The following TMIGD3 variants were observed in gnomAD, a reference collection of about 807,000 sequenced individuals.
The protein encoded by TMIGD3 is transmembrane and immunoglobulin domain containing 3, also known as AD026 protein (AD026).
TMIGD3 carries 21 observed loss-of-function variants against 28.1 expected under a neutral mutation model. The observed-to-expected ratio is 0.75, with a 90% confidence interval of 0.53 to 1.08. The LOEUF (loss-of-function observed/expected upper bound fraction) is 1.08. Ranked by LOEUF, TMIGD3 falls within the 50% of genes least tolerant of loss-of-function variation. The pLI, the probability that TMIGD3 is intolerant of heterozygous loss-of-function variation, is 0.00. For missense variants in TMIGD3, 416 were observed against 435.6 expected (o/e 0.96, Z 0.40); for synonymous variants, 151 against 162.1 (o/e 0.93, Z 0.52).
intron 1 of TMIGD3, among the ~76,000 whole-genome samples, chr1:111,536,275 AG>A (rs1190885826): frequency 3.9e-5 from 6 of 152,166 alleles, no homozygotes; most frequent in African/African-American, 1.4e-4. Flanking sequence ...ATCAACAAAA[AG>A]AAGAGTCACT....
chr1:111,496,624 T>C (rs1354483057), intron 1 of TMIGD3, among the ~76,000 whole-genome samples: 1 of 152,210 alleles, frequency 6.6e-6, no homozygotes, highest in Non-Finnish European at 1.5e-5. Flanking sequence ...AAGTTTCCTC[T>C]CTCACCTCCT....
At position 111,488,715 on chromosome 1, in the gene TMIGD3, T is replaced by C; in HGVS notation, c.767A>G (p.Asp256Gly). ...AAAGTCATTGGCCAGGGTTCCTTTG[T>C]CGTCAGTTACAATCAGCTCTGTAAA... ...MDFTELIVTD[D>G]KGTLANDFWS... is the part of the protein sequence containing the mutation. Residue 256 changes from aspartate (D) to glycine (G), a missense_variant, in exon 3 of 6, where the codon GAC (aspartate) becomes GGC (glycine). By Grantham distance (94) the Asp-to-Gly change is moderately conservative (BLOSUM62 -1). Transcript: ENST00000369716. 6.2e-7 allele frequency: 1 copy of C among 1,614,102 alleles called. No individual in the cohort carries two copies. Among genetic ancestry groups the C allele is most frequent in the East Asian group, 2.2e-5 (1 of 44,890 alleles).
intron 1 of TMIGD3, among the ~76,000 whole-genome samples, chr1:111,530,605 A>G (rs1656426069): frequency 6.6e-6 from 1 of 152,008 alleles, no homozygotes; most frequent in Admixed American, 6.5e-5. Context: ...GTTTTGACAA[A>G]TTTTTTTCTT....
rs576076120 is a variant in TMIGD3 at position 111,483,433 on chromosome 1, C to T, written c.*254G>A. The T allele has an allele frequency of 2.3e-5, 10 of 427,164 alleles. No homozygotes were observed. The South Asian group carries it at 2.8e-4, about 12-fold the overall frequency. 26.5% of individuals were successfully genotyped at this position (427,164 alleles called of 1,614,324 possible). A position where few individuals can be genotyped will look rare whatever the true frequency, so the allele number is the denominator to read the frequency against. On this transcript the variant is annotated 3_prime_UTR_variant, in exon 6 of 6. Transcript: ENST00000369716. ...CAATCCAGATTCTCCACCTCTTCTT[C>T]ACTTCTGACTGATGGAATGCATAAG...
At chr1:111,515,486 G>A (rs914058870) in intron 1 of TMIGD3, among the ~76,000 whole-genome samples, 1 of 152,192 alleles carries the variant, frequency 6.6e-6, no homozygotes, top group South Asian at 2.1e-4. Context: ...TGGGAGTTGG[G>A]GACGCTGCCA....
intron 2 of TMIGD3, chr1:111,489,720 A>G: frequency 8.4e-6 from 9 of 1,065,254 alleles, no homozygotes; most frequent in Non-Finnish European, 1.0e-5. Flanking sequence ...CCTCAGAAAG[A>G]AAGTGATGTT....
chr1:111,514,869 C>T (rs948444374), intron 1 of TMIGD3, among the ~76,000 whole-genome samples: 33 of 152,324 alleles, frequency 2.2e-4, no homozygotes, highest in Middle Eastern at 3.4e-3. Flanking sequence ...TCCCTGGATC[C>T]TTGACATAGC....
chr1:111,558,444 C>T (rs1354882682), intron 1 of TMIGD3, among the ~76,000 whole-genome samples: 1 of 152,088 alleles, frequency 6.6e-6, no homozygotes, highest in Non-Finnish European at 1.5e-5. Flanking sequence ...GCCTCAGCCT[C>T]CCAAAGTGCT....
intron 5 of TMIGD3, among the ~76,000 whole-genome samples, chr1:111,484,314 C>T (rs1654256582): frequency 6.6e-6 from 1 of 152,120 alleles, no homozygotes; most frequent in South Asian, 2.1e-4. Flanking sequence ...CTAGCATGGT[C>T]CTTTTTTGTT....
intron 1 of TMIGD3, among the ~76,000 whole-genome samples, chr1:111,560,418 G>T (rs1360018744): frequency 4.3e-5 from 6 of 140,006 alleles, no homozygotes; most frequent in Admixed American, 1.4e-4. Context: ...CTGGGTAAAT[G>T]AATAGACTTT....
Position 111,499,540 on chromosome 1 carries a change from C to T in TMIGD3, c.350+3465G>A, listed in dbSNP as rs182504753. On this transcript the variant is annotated intron_variant, in intron 1 of 5. Coordinates refer to ENST00000369716, the MANE Select transcript of TMIGD3 (RefSeq NM_020683.7). ...TTCCCAACATCTCCTAGGCATCCTCCGAGAGCAGGTTCTCTGCTCAATTCC... is the reference window on the plus strand; with the variant it reads ...TTCCCAACATCTCCTAGGCATCCTCTGAGAGCAGGTTCTCTGCTCAATTCC... 1.5e-4 allele frequency: 146 copies of T among 1,006,878 alleles called. No homozygotes were observed. In the East Asian group the frequency reaches 3.0e-3, roughly 21 times the overall value. The allele number at this position is 1,006,878 out of a possible 1,614,324, so 62.4% of individuals were successfully genotyped here.
chr1:111,496,807 C>T (rs1016581446), intron 1 of TMIGD3, among the ~76,000 whole-genome samples: 4 of 152,242 alleles, frequency 2.6e-5, no homozygotes, highest in African/African-American at 9.6e-5. Context: ...CAAGTGACTA[C>T]AGCTGACCTC....
intron 1 of TMIGD3, chr1:111,500,167 G>A (rs1655092468): frequency 1.2e-6 from 2 of 1,614,068 alleles, no homozygotes; most frequent in African/African-American, 1.3e-5. Context: ...GTTGATGATA[G>A]ATAAAGGCAG....
chr1:111,490,740 C>T lies in TMIGD3; in HGVS notation c.373G>A (p.Gly125Arg). The T allele has an allele frequency of 6.2e-7, 1 of 1,613,772 alleles. No homozygotes were observed. The highest frequency in any genetic ancestry group is 8.5e-7 in the Non-Finnish European group (1 of 1,179,866). Residue 125 changes from glycine to arginine, a missense_variant, in exon 2 of 6, where the codon GGG (glycine) becomes AGG (arginine). Transcript: ENST00000369716. ...TVRFRIPGLPGCILSFQLKVC... is the reference protein window; with the variant it reads ...TVRFRIPGLPRCILSFQLKVC... ...TTCAACTGGAATGATAGAATGCACC[C>T]AGGGAGCCCAGGAATTCTGAATCTG...
At chr1:111,530,277 T>C (rs1300745646) in intron 1 of TMIGD3, among the ~76,000 whole-genome samples, 2 of 152,230 alleles carry the variant, frequency 1.3e-5, no homozygotes, top group Non-Finnish European at 2.9e-5. Flanking sequence ...GTTAATGTTA[T>C]ACATTTTACT....
chr1:111,547,464 A>G (rs537968106), intron 1 of TMIGD3, among the ~76,000 whole-genome samples: 15 of 152,142 alleles, frequency 9.9e-5, no homozygotes, highest in Non-Finnish European at 1.5e-4. Context: ...GAGACTTCAA[A>G]TGTTTGTGAA....
At chr1:111,560,187 A>G (rs927677393) in intron 1 of TMIGD3, among the ~76,000 whole-genome samples, 1 of 152,182 alleles carries the variant, frequency 6.6e-6, no homozygotes, top group Non-Finnish European at 1.5e-5. Context: ...ACATGAGATC[A>G]CAAGAGAAGA....
At chr1:111,560,240 A>G (rs1657677072) in intron 1 of TMIGD3, among the ~76,000 whole-genome samples, 1 of 152,168 alleles carries the variant, frequency 6.6e-6, no homozygotes, top group Non-Finnish European at 1.5e-5. Flanking sequence ...TACAATCTTT[A>G]GAGCTGAACT....
chr1:111,540,776 T>A (rs1010724211), intron 1 of TMIGD3, among the ~76,000 whole-genome samples: 3 of 152,294 alleles, frequency 2.0e-5, no homozygotes, highest in Admixed American at 2.0e-4. Flanking sequence ...CAGACAAGAT[T>A]CCAGGGGTAT....
Sources: allele counts gnomAD v4.1 joint callset (sites outside exome capture counted in the v4.1 genomes callset), GRCh38; gene constraint gnomAD v4.1.1; transcripts MANE v1.5; gene names NCBI Gene and HGNC (gene_info 2026-07-23, HGNC 2026-07-21).